MTRF1: variants seen among roughly 807,000 people sequenced by gnomAD.
MTRF1 encodes peptide chain release factor 1, mitochondrial.
Under a neutral mutation model 62.9 loss-of-function variants are expected in MTRF1, and 51 were observed. The ratio of observed to expected loss-of-function variants is 0.81; its 90% CI spans 0.65 to 1.02. The LOEUF is 1.02. MTRF1 is among the 50% of genes least tolerant of loss of function. MTRF1 has a pLI of 0.00. For synonymous variants in MTRF1, 158 were observed against 181.9 expected (o/e 0.87, Z 1.06); for missense variants, 446 against 530.0 (o/e 0.84, Z 1.56).
At chr13:41,263,167 T>C (rs2040663757) in intron 1 of MTRF1, 6 of 821,780 alleles carry the variant, frequency 7.3e-6, no homozygotes, top group African/African-American at 1.8e-5. Context: ...ATTGCTAAAA[T>C]TTCCATTTTA....
chr13:41,289,374 G>T, the MTRF1 span, among the ~76,000 whole-genome samples: 1 of 151,818 alleles, frequency 6.6e-6, no homozygotes, highest in Non-Finnish European at 1.5e-5. Flanking sequence ...GGTAGCTGGG[G>T]TTATAGGTAT....
At chr13:41,236,116 T>A (rs1004477070) in intron 6 of MTRF1, 2 of 110,636 alleles carry the variant, frequency 1.8e-5, no homozygotes, top group Non-Finnish European at 4.3e-5. Context: ...TTTTGTTTTT[T>A]TTGGTTTTTT....
chr13:41,269,765 T>A, the MTRF1 span, among the ~76,000 whole-genome samples: 16 of 152,240 alleles, frequency 1.1e-4, no homozygotes, highest in Non-Finnish European at 1.8e-4. Flanking sequence ...ACTATGATAG[T>A]CATGATTTAA....
At chr13:41,308,809 C>T in the MTRF1 span, among the ~76,000 whole-genome samples, 11 of 152,148 alleles carry the variant, frequency 7.2e-5, no homozygotes, top group Non-Finnish European at 1.5e-4. Flanking sequence ...GGTGTACAGA[C>T]AGTCTTGTCA....
the MTRF1 span, among the ~76,000 whole-genome samples, chr13:41,273,693 T>C: frequency 4.6e-5 from 7 of 151,998 alleles, no homozygotes; most frequent in Admixed American, 6.6e-5. Context: ...CAAAATTAGC[T>C]GAGCGTGGTG....
the MTRF1 span, among the ~76,000 whole-genome samples, chr13:41,299,537 A>G: frequency 6.6e-6 from 1 of 152,224 alleles, no homozygotes; most frequent in Admixed American, 6.5e-5. Context: ...AATACTAAAC[A>G]GGAATCCAGC....
the MTRF1 span, among the ~76,000 whole-genome samples, chr13:41,300,967 C>T: frequency 1.3e-5 from 2 of 152,132 alleles, no homozygotes; most frequent in South Asian, 2.1e-4. Flanking sequence ...GCATACCTCA[C>T]GTAGATCAGA....
intron 5 of MTRF1, chr13:41,252,383 T>C (rs909315554): frequency 3.8e-6 from 1 of 266,436 alleles, no homozygotes; most frequent in African/African-American, 2.2e-5. Flanking sequence ...TGAGGCAAGA[T>C]ACGTATCTAA....
chr13:41,227,306 A>C (rs1314225270), intron 7 of MTRF1, among the ~76,000 whole-genome samples: 1 of 152,058 alleles, frequency 6.6e-6, no homozygotes, highest in African/African-American at 2.4e-5. Context: ...AAACCAAAAA[A>C]AAAAAAACTT....
the MTRF1 span, among the ~76,000 whole-genome samples, chr13:41,307,769 G>C: frequency 6.6e-6 from 1 of 152,146 alleles, no homozygotes; most frequent in Non-Finnish European, 1.5e-5. Flanking sequence ...GTGGAACTGT[G>C]AGCCAATTAA....
chr13:41,243,337 T>A (rs1246221919), intron 5 of MTRF1, among the ~76,000 whole-genome samples: 2 of 144,978 alleles, frequency 1.4e-5, no homozygotes, highest in Non-Finnish European at 3.0e-5. Flanking sequence ...TGAGCCCAGT[T>A]GAGGCTGCAG....
the MTRF1 span, among the ~76,000 whole-genome samples, chr13:41,304,316 G>T: frequency 6.6e-6 from 1 of 152,094 alleles, no homozygotes; most frequent in Non-Finnish European, 1.5e-5. Flanking sequence ...CAGATTGGAG[G>T]GCAGTGGCTA....
chr13:41,266,383 G>A (rs1252634338), upstream of MTRF1, among the ~76,000 whole-genome samples: 28 of 151,878 alleles, frequency 1.8e-4, no homozygotes, highest in Non-Finnish European at 5.9e-5. Context: ...AGGCCAAGGC[G>A]GGTGGATCAC....
At chr13:41,289,704 A>T in the MTRF1 span, among the ~76,000 whole-genome samples, 1 of 152,150 alleles carries the variant, frequency 6.6e-6, no homozygotes, top group African/African-American at 2.4e-5. Flanking sequence ...TCCCTGCAAA[A>T]CTATCACATC....
chr13:41,259,147 C>A (rs924037523), intron 2 of MTRF1, among the ~76,000 whole-genome samples: 1 of 152,152 alleles, frequency 6.6e-6, no homozygotes, highest in South Asian at 2.1e-4. Context: ...GAAATATGAA[C>A]CCTCATACAC....
intron 9 of MTRF1, among the ~76,000 whole-genome samples, chr13:41,221,699 A>G (rs2033402307): frequency 1.3e-5 from 2 of 152,174 alleles, no homozygotes; most frequent in South Asian, 4.1e-4. Context: ...CAGATATTTT[A>G]TAACTACAGA....
At chr13:41,282,149 A>G in the MTRF1 span, among the ~76,000 whole-genome samples, 4 of 151,962 alleles carry the variant, frequency 2.6e-5, no homozygotes, top group Non-Finnish European at 5.9e-5. Context: ...AAAAAAAAAA[A>G]AAAAGAAAAT....
chr13:41,248,530 C>T (rs116649110), intron 5 of MTRF1, among the ~76,000 whole-genome samples: 2,200 of 152,292 alleles, frequency 0.014, 73 homozygotes, highest in African/African-American at 0.051. Context: ...TCGAATTACT[C>T]CTACTACATT....
At chr13:41,246,166 C>T (rs763032175) in intron 5 of MTRF1, among the ~76,000 whole-genome samples, 32 of 152,256 alleles carry the variant, frequency 2.1e-4, no homozygotes, top group Non-Finnish European at 3.7e-4. Flanking sequence ...TTTTCAGATC[C>T]GGCAGATGCC....
Sources: gnomAD v4.1 joint callset for allele counts (sites outside exome capture counted in the v4.1 genomes callset) on GRCh38, gnomAD v4.1.1 for gene constraint, MANE v1.5 for transcripts, NCBI Gene and HGNC (gene_info 2026-07-23, HGNC 2026-07-21) for gene names.